The following HECTD4 variants were observed in gnomAD, a reference collection of about 807,000 sequenced individuals.
HECTD4 encodes the protein HECT domain E3 ubiquitin protein ligase 4, also known as probable E3 ubiquitin-protein ligase HECTD4.
HECTD4 carries 114 observed loss-of-function variants against 471.5 expected under a neutral mutation model. The ratio of observed to expected loss-of-function variants is 0.24; its 90% CI spans 0.21 to 0.28. The LOEUF (loss-of-function observed/expected upper bound fraction) is 0.28, where lower values mean the gene tolerates loss of function less well. Among genes scored for constraint, HECTD4 ranks in the 10% least tolerant of loss-of-function variants. HECTD4 has a pLI of 1.00. For missense variants in HECTD4, 3,866 were observed against 5,651.5 expected (o/e 0.68, Z 10.13); for synonymous variants, 2,012 against 2,256.0 (o/e 0.89, Z 3.07).
chr12:112,210,002 G>T lies in HECTD4; in HGVS notation c.7867+13C>A. On this transcript the variant is annotated intron_variant, in intron 50 of 75. Transcript: ENST00000682272. The stretch of plus-strand genomic sequence containing the variant: ...GAAGCCATGGAGGCAGTAAGTTCCA[G>T]GAGGTGACTTACGTTGCTGAGCGGT... 1.3e-6 allele frequency: 2 copies of T among 1,598,150 alleles called. No homozygotes were observed. The highest frequency in any genetic ancestry group is 1.7e-6 in the Non-Finnish European group (2 of 1,168,288).
At chr12:112,201,686 G>A (rs1200497870) in intron 54 of HECTD4, among the ~76,000 whole-genome samples, 2 of 151,964 alleles carry the variant, frequency 1.3e-5, no homozygotes, top group Non-Finnish European at 2.9e-5. Flanking sequence ...AATTTTTATT[G>A]ATACAATAAA....
Position 112,319,935 on chromosome 12 carries a change from T to A in HECTD4, c.178-193A>T, listed in dbSNP as rs1405242766. 6.6e-6 allele frequency among the ~76,000 whole-genome samples: 1 copy of A among 152,252 alleles called. No individual in the cohort carries two copies. Among genetic ancestry groups the A allele is most frequent in the Non-Finnish European group, 1.5e-5 (1 of 68,044 alleles). On this transcript the variant is annotated intron_variant, in intron 1 of 75. Coordinates refer to ENST00000682272, the MANE Select transcript of HECTD4 (RefSeq NM_001388303.1). This position sits in a 1 kb window ranked among gnomAD's most constrained non-coding sequence, Gnocchi z 5.3. Reference sequence around the variant, plus strand: ...GTTCCCCTTTTGGCTTTTCTGTTAATGCTTCCATGAAAATTGGGATTAGAC... The same window carrying A: ...GTTCCCCTTTTGGCTTTTCTGTTAAAGCTTCCATGAAAATTGGGATTAGAC...
rs1354215570 is a variant in HECTD4 at position 112,172,739 on chromosome 12, C to T, written c.11717G>A (p.Arg3906Gln). The stretch of plus-strand genomic sequence containing the variant: ...CAGGTACACCTCATGGGGATGGAGC[C>T]GTGCGGGTGTGATGGCGAGGTGGCG... ...LCRHLAITPA[R>Q]LHPHEVYLDP... Residue 3906 changes from arginine (R) to glutamine (Q), a missense_variant, in exon 67 of 76, where the codon CGG (arginine) becomes CAG (glutamine). Physicochemically the swap from Arg to Gln is conservative, Grantham distance 43. Coordinates refer to ENST00000682272, the MANE Select transcript of HECTD4 (RefSeq NM_001388303.1). 4.3e-6 allele frequency: 7 copies of T among 1,613,788 alleles called. No homozygotes were observed. The highest frequency in any genetic ancestry group is 1.7e-5 in the Admixed American group (1 of 59,994).
At position 112,319,505 on chromosome 12, in the gene HECTD4, CTTG is replaced by C; in HGVS notation, c.412_414del (p.Gln138del). ...AGCCCCATCCTCGATGTGAAGGGCG[CTTG>C]CTCAGGTTGCTGCAACAAGCCCTGG... On this transcript the variant is annotated inframe_deletion, in exon 2 of 76. Transcript: ENST00000682272. The surrounding 1 kb of genome is among the most constrained non-coding windows in gnomAD (Gnocchi z 5.3). 5.4e-6 allele frequency: 8 copies of C among 1,484,650 alleles called. No homozygotes were observed. In the South Asian group the frequency reaches 1.1e-4, roughly 20 times the overall value. 92.0% of individuals were successfully genotyped at this position (1,484,650 alleles called of 1,614,324 possible). A position where few individuals can be genotyped will look rare whatever the true frequency, so the allele number is the denominator to read the frequency against.
chr12:112,183,359 C>G, intron 61 of HECTD4, 93 bp from the exon 62 acceptor site: 1 of 976,874 alleles, frequency 1.0e-6, no homozygotes, highest in Non-Finnish European at 1.6e-6. Context: ...CCTGGAAACC[C>G]TCTATTCATC....
intron 72 of HECTD4, among the ~76,000 whole-genome samples, chr12:112,165,521 T>C (rs1374439019): frequency 6.6e-6 from 1 of 151,782 alleles, no homozygotes; most frequent in African/African-American, 2.4e-5. Flanking sequence ...CTGGCTAATT[T>C]TTTGTATTTT....
intron 1 of HECTD4, among the ~76,000 whole-genome samples, chr12:112,377,286 A>T (rs540201820): frequency 9.6e-4 from 146 of 151,764 alleles, no homozygotes; most frequent in Non-Finnish European, 1.7e-3. Context: ...AAAAAAAAAT[A>T]AAACAAAAAA....
chr12:112,270,365 G>T lies in HECTD4; in HGVS notation c.2037C>A (p.Pro679=). Residue 679 remains proline, a synonymous_variant, in exon 12 of 76, where the codon CCC becomes CCA. Coordinates refer to ENST00000682272, the MANE Select transcript of HECTD4 (RefSeq NM_001388303.1). The part of the protein sequence containing the change: ...IHQLNLLATN[P]NLPITSVLGK... ...CCAAGACACTTGTGATTGGAAGATT[G>T]GGGTTGGTGGCAAGAAGATTGAGTT... 6.2e-7 allele frequency: 1 copy of T among 1,614,018 alleles called. No homozygotes were observed. The highest frequency in any genetic ancestry group is 8.5e-7 in the Non-Finnish European group (1 of 1,179,896).
chr12:112,271,078 CA>C (rs899813538), intron 11 of HECTD4, among the ~76,000 whole-genome samples: 2 of 149,884 alleles, frequency 1.3e-5, no homozygotes, highest in Non-Finnish European at 3.0e-5. Flanking sequence ...TTTGCTTTTT[CA>C]AAAAAAAAGC....
At chr12:112,323,067 G>T (rs932353521) in intron 1 of HECTD4, 32 of 217,754 alleles carry the variant, frequency 1.5e-4, no homozygotes, top group Non-Finnish European at 2.0e-4. Flanking sequence ...GATGGTAAAA[G>T]CAAAGAAAGC....
At chr12:112,267,810 A>T (rs1005773428) in intron 13 of HECTD4, among the ~76,000 whole-genome samples, 1 of 152,114 alleles carries the variant, frequency 6.6e-6, no homozygotes, top group African/African-American at 2.4e-5. Context: ...GTGTGTGCTT[A>T]TATGTGTGCA....
chr12:112,242,536 C>G (rs563762977), intron 32 of HECTD4, among the ~76,000 whole-genome samples: 1 of 151,474 alleles, frequency 6.6e-6, no homozygotes, highest in African/African-American at 2.4e-5. Context: ...TCGCTTGAGC[C>G]TGGGGAGGTC....
At chr12:112,200,455 C>T (rs1720815000) in intron 55 of HECTD4, among the ~76,000 whole-genome samples, 183 bp downstream of exon 55, 1 of 152,202 alleles carries the variant, frequency 6.6e-6, no homozygotes, top group South Asian at 2.1e-4. Context: ...TGCCTGGCCC[C>T]TAGATCCCCC....
rs758183704 is a variant in HECTD4 at position 112,185,258 on chromosome 12, G to C, written c.9708C>G (p.Cys3236Trp). The stretch of plus-strand genomic sequence containing the variant: ...CGGCCGCCGCCCCCCCGGAGCCCCC[G>C]CAGGCGCCGCCTGAGACCCAGTTCT... ...ETQNWVSGGA[C>W]GGSGGAAAGD... The change falls in exon 61 of 76, where the codon TGC becomes TGG. Residue 3236 changes from cysteine (C) to tryptophan (W), a missense_variant. Physicochemically the swap from Cys to Trp is radical, Grantham distance 215. Around this residue, in one of 16 missense-constraint regions of HECTD4, gnomAD observed 364 missense variants for 413.2 expected, o/e 0.88. Coordinates refer to ENST00000682272, the MANE Select transcript of HECTD4 (RefSeq NM_001388303.1). 6.5e-7 allele frequency: 1 copy of C among 1,549,864 alleles called. No individual in the cohort carries two copies. Among genetic ancestry groups the C allele is most frequent in the Non-Finnish European group, 8.7e-7 (1 of 1,146,362 alleles).
rs1484390129 is a variant in HECTD4, at chr12:112,228,077, G to T, written c.6854+12C>A. The T allele has an allele frequency of 1.2e-5, 19 of 1,598,628 alleles. No individual in the cohort carries two copies. Among genetic ancestry groups the T allele is most frequent in the Non-Finnish European group, 1.5e-5 (18 of 1,173,428 alleles). ...ATGTCAGCACATAAGGCAATGTGGGGAGGGTACTCACCTTGTCCTTATTTC... is the reference window on the plus strand; with the variant it reads ...ATGTCAGCACATAAGGCAATGTGGGTAGGGTACTCACCTTGTCCTTATTTC... On this transcript the variant is annotated intron_variant, in intron 43 of 75. Coordinates refer to ENST00000682272, the MANE Select transcript of HECTD4 (RefSeq NM_001388303.1). The surrounding 1 kb of genome is among the most constrained non-coding windows in gnomAD (Gnocchi z 4.9).
At position 112,170,326 on chromosome 12, in the gene HECTD4, A is replaced by G; in HGVS notation, c.12052+7T>C. 6.2e-7 allele frequency: 1 copy of G among 1,613,584 alleles called. No individual in the cohort carries two copies. The highest frequency in any genetic ancestry group is 8.5e-7 in the Non-Finnish European group (1 of 1,179,818). On this transcript the variant is annotated splice_region_variant and intron_variant, in intron 69 of 75. Coordinates refer to ENST00000682272, the MANE Select transcript of HECTD4 (RefSeq NM_001388303.1). ...TTGCATTTTTTGCTCTCCGCAGCCAACCCCACCTCCCACAATTTCCAGTGG... is the reference window on the plus strand; with the variant it reads ...TTGCATTTTTTGCTCTCCGCAGCCAGCCCCACCTCCCACAATTTCCAGTGG...
Position 112,229,813 on chromosome 12 carries a change from C to T in HECTD4, c.6404G>A (p.Gly2135Asp). 2 of 1,614,008 alleles carry T rather than the reference C, an allele frequency of 1.2e-6. No individual in the cohort carries two copies. The highest frequency in any genetic ancestry group is 1.7e-6 in the Non-Finnish European group (2 of 1,179,888). Residue 2135 changes from glycine to aspartate, a missense_variant, in exon 41 of 76, where the codon GGC becomes GAC. Transcript: ENST00000682272. The stretch of plus-strand genomic sequence containing the variant: ...GGCAAGTTTCCTGCCACTGCTGCTG[C>T]CATTTTCCAGAATGCTTTCTGCGTA... ...GKYAESILEN[G>D]SSSGRKLAKL...
Position 112,239,260 on chromosome 12 carries a change from C to G in HECTD4, c.5106-24G>C. 1 of 1,587,510 alleles carries G rather than the reference C, an allele frequency of 6.3e-7. No individual in the cohort carries two copies. Among genetic ancestry groups the G allele is most frequent in the Non-Finnish European group, 8.6e-7 (1 of 1,166,380 alleles). On this transcript the variant is annotated intron_variant, in intron 33 of 75. Coordinates refer to ENST00000682272, the MANE Select transcript of HECTD4 (RefSeq NM_001388303.1). The surrounding 1 kb of genome is among the most constrained non-coding windows in gnomAD (Gnocchi z 4.9). Reference sequence around the variant, plus strand: ...TCCTGACAAAGGGTCATGGATTACACTAGATAAACGTAACTGACCGACACT... The same window carrying G: ...TCCTGACAAAGGGTCATGGATTACAGTAGATAAACGTAACTGACCGACACT...
At chr12:112,284,143 C>T (rs1314387337) in intron 7 of HECTD4, among the ~76,000 whole-genome samples, 1 of 152,112 alleles carries the variant, frequency 6.6e-6, no homozygotes, top group Non-Finnish European at 1.5e-5. Flanking sequence ...TGAAGATGAA[C>T]CCTTCCACTT....
Sources: gnomAD v4.1 joint callset for allele counts (sites outside exome capture counted in the v4.1 genomes callset) on GRCh38, gnomAD v4.1.1 for gene constraint, gnomAD v4.1.1 regional missense constraint, Gnocchi (gnomAD v3.1) non-coding constraint, MANE v1.5 for transcripts, NCBI Gene and HGNC (gene_info 2026-07-23, HGNC 2026-07-21) for gene names.